BBS7: variants seen among roughly 807,000 people sequenced by gnomAD.
The protein encoded by BBS7 is Bardet-Biedl syndrome 7.
Under a neutral mutation model 90.3 loss-of-function variants are expected in BBS7, and 50 were observed. The observed-to-expected ratio is 0.55, with a 90% CI of 0.44 to 0.70. The LOEUF (loss-of-function observed/expected upper bound fraction) is 0.70, where lower values mean the gene tolerates loss of function less well. Ranked by LOEUF, BBS7 falls within the 30% of genes least tolerant of loss-of-function variation. The probability of loss-of-function intolerance (pLI) is 0.00; values close to 1 mark genes in which losing one functional copy is unlikely to be tolerated. For missense variants in BBS7, 729 were observed against 838.9 expected (o/e 0.87, Z 1.62); for synonymous variants, 235 against 287.4 (o/e 0.82, Z 1.85).
At chr4:121,854,890 G>T in intron 6 of BBS7, 70 bp from the exon 7 acceptor site, 2 of 1,410,384 alleles carry the variant, frequency 1.4e-6, no homozygotes, top group South Asian at 1.2e-5. Context: ...TTAAAATGTT[G>T]TTATGTAAAA....
intron 13 of BBS7, among the ~76,000 whole-genome samples, chr4:121,838,331 G>A (rs1357581344): frequency 6.9e-6 from 1 of 145,108 alleles, no homozygotes; most frequent in African/African-American, 2.5e-5. Flanking sequence ...TTAACCAGAT[G>A]TGAAACAAAT....
intron 2 of BBS7, among the ~76,000 whole-genome samples, chr4:121,866,236 C>G (rs2149092493): frequency 6.6e-6 from 1 of 152,196 alleles, no homozygotes; most frequent in South Asian, 2.1e-4. Context: ...TATGATCCCA[C>G]TTGTTTATTT....
In BBS7 at chr4:121,864,376, A is replaced by G. The variant is rs571204290; in HGVS notation, c.103-1097T>C. Among the ~76,000 whole-genome samples the G allele has an allele frequency of 1.5e-4, 23 of 152,372 alleles. No individual in the cohort carries two copies. In the East Asian group the frequency reaches 4.2e-3, roughly 28 times the overall value. On this transcript the variant is annotated intron_variant, in intron 2 of 18. Transcript: ENST00000264499. Reference sequence around the variant, plus strand: ...AATATTTCAGCCAAAACAACATAGCACAGCAGATTGAATGCAGTAAACAAA... The same window carrying G: ...AATATTTCAGCCAAAACAACATAGCGCAGCAGATTGAATGCAGTAAACAAA...
chr4:121,848,194 G>A (rs908641748), intron 9 of BBS7, among the ~76,000 whole-genome samples: 1 of 152,102 alleles, frequency 6.6e-6, no homozygotes, highest in Non-Finnish European at 1.5e-5. Flanking sequence ...GACTAATACA[G>A]CAGCCTCCCC....
At chr4:121,836,836 T>C (rs2706797) in intron 13 of BBS7, among the ~76,000 whole-genome samples, 10,002 of 152,270 alleles carry the variant, frequency 0.066, 881 homozygotes, top group East Asian at 0.19. Context: ...TTTAACATTT[T>C]TTGCCAATCT....
chr4:121,846,340 G>T (rs1156569153), intron 10 of BBS7, among the ~76,000 whole-genome samples: 10 of 152,138 alleles, frequency 6.6e-5, no homozygotes, highest in African/African-American at 1.9e-4. Context: ...ACAACATGAG[G>T]CTTAACTAGC....
intron 2 of BBS7, 113 bp from the exon 3 acceptor site, chr4:121,863,392 G>T (rs765908802): frequency 3.6e-5 from 32 of 880,686 alleles, no homozygotes; most frequent in Non-Finnish European, 5.1e-5. Flanking sequence ...ATAGAGATCA[G>T]AAAATCTAGG....
Position 121,849,257 on chromosome 4 carries a change from G to A in BBS7, c.850-329C>T, listed in dbSNP as rs569834178. ...CCTCCGTCACCCAGGCTGGAGAGCA[G>A]TGGTGCAATCACAGCTCACTGCAGC... On this transcript the variant is annotated intron_variant, in intron 8 of 18. Coordinates refer to ENST00000264499, the MANE Select transcript of BBS7 (RefSeq NM_176824.3). 2.3e-3 allele frequency among the ~76,000 whole-genome samples: 343 copies of A among 152,332 alleles called. 1 individual carries two copies. Among genetic ancestry groups the A allele is most frequent in the African/African-American group, 7.7e-3 (322 of 41,574 alleles).
At chr4:121,856,438 G>A (rs1726674831) in intron 5 of BBS7, among the ~76,000 whole-genome samples, 1 of 152,034 alleles carries the variant, frequency 6.6e-6, no homozygotes, top group Non-Finnish European at 1.5e-5. Context: ...TTTGCAAAAT[G>A]GGGTGTGGTG....
intron 2 of BBS7, among the ~76,000 whole-genome samples, chr4:121,864,281 A>G (rs1255646813): frequency 2.0e-5 from 3 of 152,218 alleles, no homozygotes; most frequent in Non-Finnish European, 4.4e-5. Context: ...AGTCACAATC[A>G]TCTGAAAAAG....
In BBS7 at chr4:121,839,487, C is replaced by T. The variant is rs962997071; in HGVS notation, c.1371+144G>A. 9 of 696,700 alleles carry T rather than the reference C, an allele frequency of 1.3e-5. No homozygotes were observed. In the African/African-American group the frequency reaches 1.6e-4, roughly 12 times the overall value. 43.2% of individuals were successfully genotyped at this position (696,700 alleles called of 1,614,324 possible). On this transcript the variant is annotated intron_variant, in intron 13 of 18. Transcript: ENST00000264499. Reference sequence around the variant, plus strand: ...TGGTGTGGGCTAAATTACATCCTAACTGGTCATTCAAAATTCATTACTCCA... The same window carrying T: ...TGGTGTGGGCTAAATTACATCCTAATTGGTCATTCAAAATTCATTACTCCA...
chr4:121,832,640 T>C (rs902455165), intron 15 of BBS7, among the ~76,000 whole-genome samples: 1 of 152,134 alleles, frequency 6.6e-6, no homozygotes, highest in Non-Finnish European at 1.5e-5. Flanking sequence ...TATAGAACAA[T>C]ATAATGACCT....
In BBS7 at chr4:121,864,147, C is replaced by G. The variant is rs1384165977; in HGVS notation, c.103-868G>C. Among the ~76,000 whole-genome samples the G allele has an allele frequency of 3.9e-5, 6 of 152,312 alleles. No individual in the cohort carries two copies. The East Asian group carries it at 5.8e-4, about 15-fold the overall frequency. ...GGTAGAACACAGTTTCATCCCAAAACAATCCCAGCCCCATTGGTGGAAAAA... is the reference window on the plus strand; with the variant it reads ...GGTAGAACACAGTTTCATCCCAAAAGAATCCCAGCCCCATTGGTGGAAAAA... On this transcript the variant is annotated intron_variant, in intron 2 of 18. Coordinates refer to ENST00000264499, the MANE Select transcript of BBS7 (RefSeq NM_176824.3).
At chr4:121,839,833 C>T in intron 12 of BBS7, 137 bp from the exon 13 acceptor site, 2 of 715,692 alleles carry the variant, frequency 2.8e-6, no homozygotes, top group South Asian at 1.7e-5. Context: ...CATGTTCTAA[C>T]TTACACTTAC....
chr4:121,846,835 G>A (rs946852983), intron 10 of BBS7, among the ~76,000 whole-genome samples: 1 of 152,160 alleles, frequency 6.6e-6, no homozygotes, highest in African/African-American at 2.4e-5. Flanking sequence ...AATGGGGAGA[G>A]CAGTCATTAA....
intron 4 of BBS7, 118 bp downstream of exon 4, chr4:121,861,386 C>T: frequency 1.0e-6 from 1 of 960,510 alleles, no homozygotes; most frequent in Non-Finnish European, 1.5e-6. Context: ...TAATAAAATA[C>T]CTTTAGTTAA....
intron 12 of BBS7, among the ~76,000 whole-genome samples, chr4:121,843,545 T>G (rs1482135193): frequency 6.6e-6 from 1 of 152,216 alleles, no homozygotes; most frequent in East Asian, 1.9e-4. Context: ...CTAAACTTTT[T>G]GAGTGCCAAG....
chr4:121,832,943 A>G (rs1298742055), intron 15 of BBS7, among the ~76,000 whole-genome samples: 2 of 152,074 alleles, frequency 1.3e-5, no homozygotes, highest in African/African-American at 2.4e-5. Context: ...TTATCTGGCT[A>G]TTTTGTTATT....
chr4:121,866,616 T>C (rs1727288815), intron 2 of BBS7, among the ~76,000 whole-genome samples: 1 of 152,060 alleles, frequency 6.6e-6, no homozygotes, highest in Non-Finnish European at 1.5e-5. Context: ...GGGTGAGAGG[T>C]GGGGGTCTTG....
Sources: gnomAD v4.1 joint callset for allele counts (sites outside exome capture counted in the v4.1 genomes callset) on GRCh38, gnomAD v4.1.1 for gene constraint, MANE v1.5 for transcripts, NCBI Gene and HGNC (gene_info 2026-07-23, HGNC 2026-07-21) for gene names.